The following PGM1 variants were observed in gnomAD, a reference collection of about 807,000 sequenced individuals.
PGM1 encodes the protein phosphoglucomutase-1.
Under a neutral mutation model 55.6 loss-of-function variants are expected in PGM1, and 52 were observed. That is an observed-to-expected ratio of 0.94 (90% CI 0.75 to 1.18). PGM1 has a LOEUF of 1.18. Ranked by LOEUF, PGM1 falls within the 50% of genes most tolerant of loss-of-function variation. The probability of loss-of-function intolerance (pLI) is 0.00; values close to 1 mark genes in which losing one functional copy is unlikely to be tolerated. For missense variants in PGM1, 724 were observed against 729.3 expected, an observed-to-expected ratio of 0.99 and a Z score of 0.08; for synonymous variants, 287 against 271.7, an observed-to-expected ratio of 1.06 and a Z score of -0.55.
At position 63,629,545 on chromosome 1, in the gene PGM1, C is replaced by T. The variant is rs1649134981; in HGVS notation, c.367C>T (p.Pro123Ser). The T allele has an allele frequency of 1.2e-6, 2 of 1,613,710 alleles. No individual in the cohort carries two copies. Among genetic ancestry groups the T allele is most frequent in the Admixed American group, 1.7e-5 (1 of 59,982 alleles). ...ILTASHNPGG[P>S]NGDFGIKFNI... is the part of the protein sequence containing the mutation. ...GACAGCCAGTCACAACCCAGGGGGC[C>T]CCAATGGAGATTTTGGAATCAAATT... Residue 123 changes from proline to serine, a missense_variant, in exon 2 of 11, where the codon CCC becomes TCC. Coordinates refer to ENST00000371084, the MANE Select transcript of PGM1 (RefSeq NM_002633.3).
At chr1:63,619,947 G>T (rs145217778) in intron 1 of PGM1, among the ~76,000 whole-genome samples, 263 of 152,222 alleles carry the variant, frequency 1.7e-3, no homozygotes, top group Non-Finnish European at 2.7e-3. Flanking sequence ...GGCAATCTTC[G>T]CAAAAACCTT....
At chr1:63,621,116 G>C (rs1028725210) in intron 1 of PGM1, among the ~76,000 whole-genome samples, 2 of 151,948 alleles carry the variant, frequency 1.3e-5, no homozygotes, top group Admixed American at 1.3e-4. Flanking sequence ...TTATGATCAG[G>C]CCCATTTTTA....
chr1:63,596,619 G>T (rs1283840057), intron 1 of PGM1, among the ~76,000 whole-genome samples: 1 of 151,844 alleles, frequency 6.6e-6, no homozygotes, highest in Non-Finnish European at 1.5e-5. Flanking sequence ...TACTCACTCG[G>T]GATTTAAATA....
In PGM1 at chr1:63,659,562, AGCT is replaced by A. The variant is rs1175478206; in HGVS notation, c.1600-23_1600-21del. 3.8e-6 allele frequency: 6 copies of A among 1,585,766 alleles called. No homozygotes were observed. The Admixed American group carries it at 5.0e-5, about 13-fold the overall frequency. ...CTGTGTTTAGAGGAAGTGATGGAAAAGCTTCTCTCTATGTCTTCCTCAGGTCAT... is the reference window on the plus strand; with the variant it reads ...CTGTGTTTAGAGGAAGTGATGGAAAATCTCTCTATGTCTTCCTCAGGTCAT... On this transcript the variant is annotated intron_variant, in intron 10 of 10. Coordinates refer to ENST00000371084, the MANE Select transcript of PGM1 (RefSeq NM_002633.3).
intron 9 of PGM1, among the ~76,000 whole-genome samples, chr1:63,654,107 G>C (rs1274653548): frequency 6.6e-6 from 1 of 152,124 alleles, no homozygotes; most frequent in Admixed American, 6.5e-5. Context: ...GGTCTCCCCT[G>C]ACCCTGGAAA....
At chr1:63,633,649 G>GT (rs1649256769) in intron 4 of PGM1, among the ~76,000 whole-genome samples, 1 of 151,342 alleles carries the variant, frequency 6.6e-6, no homozygotes, top group Non-Finnish European at 1.5e-5. Flanking sequence ...CCTGTTGTTT[G>GT]TTTTTGGTGG....
At chr1:63,615,655 C>T (rs549861877) in intron 1 of PGM1, among the ~76,000 whole-genome samples, 5 of 148,998 alleles carry the variant, frequency 3.4e-5, no homozygotes, top group East Asian at 2.0e-4. Flanking sequence ...CTCCGCCTCC[C>T]GGGTTCCAGC....
Position 63,593,680 on chromosome 1 carries a change from G to A in PGM1, c.192G>A (p.Arg64=). 1 of 1,606,050 alleles carries A rather than the reference G, an allele frequency of 6.2e-7. No homozygotes were observed. ...CGCTGGTGGTGGGCGGGGACGGCCG[G>A]TTCTACATGAAGGAGGCCATCCAGC... The part of the protein sequence containing the change: ...EATLVVGGDG[R]FYMKEAIQLI... The change falls in exon 1 of 11, where the codon CGG becomes CGA. Residue 64 remains arginine (R), a synonymous_variant. Coordinates refer to ENST00000371084, the MANE Select transcript of PGM1 (RefSeq NM_002633.3).
chr1:63,632,906 G>A (rs141343292), intron 4 of PGM1, among the ~76,000 whole-genome samples: 1,861 of 152,102 alleles, frequency 0.012, 24 homozygotes, highest in Middle Eastern at 0.051. Context: ...GCCTGTAATC[G>A]CAGCTACTCA....
chr1:63,623,611 C>G (rs767949037), intron 1 of PGM1: 1 of 1,612,782 alleles, frequency 6.2e-7, no homozygotes, highest in South Asian at 1.1e-5. Context: ...TGAGGAAAAG[C>G]CATGCTATCT....
At chr1:63,633,932 A>ATATTT (rs1649284557) in intron 4 of PGM1, among the ~76,000 whole-genome samples, 4 of 35,358 alleles carry the variant, frequency 1.1e-4, no homozygotes, top group African/African-American at 4.9e-4. Flanking sequence ...ATATATATAT[A>ATATTT]TTTTTTTTTT....
At chr1:63,653,452 A>T (rs1243432881) in intron 9 of PGM1, among the ~76,000 whole-genome samples, 6 of 152,216 alleles carry the variant, frequency 3.9e-5, no homozygotes, top group Non-Finnish European at 7.3e-5. Flanking sequence ...GAATGGCACC[A>T]TTAAACACCA....
chr1:63,646,368 T>C (rs1187223896), intron 7 of PGM1, among the ~76,000 whole-genome samples: 1 of 152,190 alleles, frequency 6.6e-6, no homozygotes, highest in Non-Finnish European at 1.5e-5. Context: ...TTGTGTTCCA[T>C]ATCAGGCTCT....
rs922837131 is a variant in PGM1, at chr1:63,629,468, C to T, written c.290C>T (p.Pro97Leu). 1.2e-6 allele frequency: 2 copies of T among 1,613,636 alleles called. No homozygotes were observed. Among genetic ancestry groups the T allele is most frequent in the African/African-American group, 2.7e-5 (2 of 74,884 alleles). ...GGACAGAATGGAATCCTCTCCACCC[C>T]TGCTGTATCCTGCATCATTAGAAAA... ...VIGQNGILST[P>L]AVSCIIRKIK... The change falls in exon 2 of 11, where the codon CCT becomes CTT. Residue 97 changes from proline to leucine, a missense_variant. By Grantham distance (98) the Pro-to-Leu change is moderately conservative. Around this residue, in one of 3 missense-constraint regions of PGM1, gnomAD observed 379 missense variants for 357.5 expected, o/e 1.06. Transcript: ENST00000371084.
At chr1:63,656,903 G>A (rs986768951) in intron 10 of PGM1, among the ~76,000 whole-genome samples, 11 of 152,088 alleles carry the variant, frequency 7.2e-5, no homozygotes, top group Non-Finnish European at 1.3e-4. Context: ...TCTAGAGATG[G>A]AATGTACAAC....
chr1:63,654,602 C>A, intron 10 of PGM1, 136 bp downstream of exon 10: 2 of 796,808 alleles, frequency 2.5e-6, no homozygotes, highest in South Asian at 1.5e-5. Context: ...TTCCATGTTT[C>A]TTTCTCCATG....
chr1:63,643,019 G>A (rs1649558372), intron 7 of PGM1, among the ~76,000 whole-genome samples: 1 of 152,132 alleles, frequency 6.6e-6, no homozygotes, highest in Admixed American at 6.5e-5. Context: ...GGGTACTTCG[G>A]GAGCTTTATT....
At chr1:63,598,800 C>T (rs1489784577) in intron 1 of PGM1, among the ~76,000 whole-genome samples, 4 of 152,302 alleles carry the variant, frequency 2.6e-5, no homozygotes, top group African/African-American at 9.6e-5. Flanking sequence ...TTTTTAGCAT[C>T]AGGTGATGCC....
intron 1 of PGM1, among the ~76,000 whole-genome samples, chr1:63,613,577 T>C (rs907475773): frequency 6.6e-6 from 1 of 152,066 alleles, no homozygotes; most frequent in African/African-American, 2.4e-5. Flanking sequence ...CTCTCCTAAA[T>C]CCTGTCATTG....
Sources: gnomAD v4.1 joint callset for allele counts (sites outside exome capture counted in the v4.1 genomes callset) on GRCh38, gnomAD v4.1.1 for gene constraint, gnomAD v4.1.1 regional missense constraint, MANE v1.5 for transcripts, NCBI Gene and HGNC (gene_info 2026-07-23, HGNC 2026-07-21) for gene names.